Variants in PTPRM observed in about 807,000 individuals in gnomAD.
PTPRM encodes protein tyrosine phosphatase receptor type M, also known as receptor-type tyrosine-protein phosphatase mu.
A neutral mutation model predicts 186.7 loss-of-function variants in PTPRM; 47 were observed. The ratio of observed to expected loss-of-function variants is 0.25; its 90% CI spans 0.20 to 0.32. The LOEUF (loss-of-function observed/expected upper bound fraction) is 0.32, where lower values mean the gene tolerates loss of function less well. Among genes scored for constraint, PTPRM ranks in the 10% least tolerant of loss-of-function variants. The pLI is 1.00. For synonymous variants in PTPRM, 668 were observed against 674.9 expected (o/e 0.99, Z 0.16); for missense variants, 1,494 against 1,865.0 (o/e 0.80, Z 3.66).
In PTPRM at chr18:8,024,757, C is replaced by T. The variant is rs1010538564; in HGVS notation, c.1133-44929C>T. Among the ~76,000 whole-genome samples, 3 of 142,006 alleles carry T rather than the reference C, an allele frequency of 2.1e-5. No homozygotes were observed. In the South Asian group the frequency reaches 6.6e-4, roughly 31 times the overall value. 93.2% of individuals were successfully genotyped at this position (142,006 alleles called of 152,430 possible). ...GGAGTACAATGGCATGATCTTGGCT[C>T]GGTGCAGCCTTGACTTCTGAGACTT... is the stretch of plus-strand genomic sequence containing the variant. On this transcript the variant is annotated intron_variant, in intron 7 of 32. Coordinates refer to ENST00000580170, the MANE Select transcript of PTPRM (RefSeq NM_001105244.2).
intron 2 of PTPRM, among the ~76,000 whole-genome samples, chr18:7,865,798 G>A (rs147439477): frequency 9.7e-4 from 148 of 152,280 alleles, no homozygotes; most frequent in African/African-American, 3.5e-3. Context: ...ATTCGGCTGT[G>A]AATCCGTCTG....
chr18:8,400,300 G>C (rs1392336539), intron 32 of PTPRM, among the ~76,000 whole-genome samples: 1 of 152,220 alleles, frequency 6.6e-6, no homozygotes, highest in Non-Finnish European at 1.5e-5. Flanking sequence ...GGGCCTGGCT[G>C]CAGCAGCCGA....
Position 7,965,463 on chromosome 18 carries a change from C to T in PTPRM, c.1132+10049C>T, listed in dbSNP as rs112277835. The stretch of plus-strand genomic sequence containing the variant: ...TCTCTTTTGCTCATTTGCACACATA[C>T]CCCAGGAAGGTAGGTGAACCCTTAT... On this transcript the variant is annotated intron_variant, in intron 7 of 32. Coordinates refer to ENST00000580170, the MANE Select transcript of PTPRM (RefSeq NM_001105244.2). 3.6e-3 allele frequency among the ~76,000 whole-genome samples: 545 copies of T among 151,994 alleles called. 2 individuals are homozygous for T. Among genetic ancestry groups the T allele is most frequent in the African/African-American group, 0.012 (510 of 41,452 alleles).
At chr18:7,953,396 C>T (rs943228194) in intron 6 of PTPRM, among the ~76,000 whole-genome samples, 1 of 152,234 alleles carries the variant, frequency 6.6e-6, no homozygotes, top group East Asian at 1.9e-4. Flanking sequence ...TTTCATGTCT[C>T]GGTTCAAGGA....
chr18:7,929,037 GT>G (rs112740316), intron 5 of PTPRM, among the ~76,000 whole-genome samples: 2 of 151,636 alleles, frequency 1.3e-5, no homozygotes, highest in Non-Finnish European at 2.9e-5. Flanking sequence ...GTTTTGGTTT[GT>G]TTTTTTTCAC....
At chr18:7,821,198 C>T (rs544487249) in intron 2 of PTPRM, among the ~76,000 whole-genome samples, 2 of 152,112 alleles carry the variant, frequency 1.3e-5, no homozygotes, top group Admixed American at 6.6e-5. Flanking sequence ...CCATAATAGT[C>T]TACCATGGAC....
At chr18:8,237,814 G>C (rs541222507) in intron 14 of PTPRM, among the ~76,000 whole-genome samples, 13 of 152,212 alleles carry the variant, frequency 8.5e-5, no homozygotes, top group African/African-American at 3.1e-4. Context: ...AAATTCACAG[G>C]ACACAGAATT....
intron 1 of PTPRM, among the ~76,000 whole-genome samples, chr18:7,749,851 A>G (rs1007669132): frequency 1.3e-5 from 2 of 152,248 alleles, no homozygotes; most frequent in East Asian, 1.9e-4. Context: ...AAGTGGAGTT[A>G]TCTGCCTCCC....
At chr18:8,124,596 A>C (rs1373605114) in intron 13 of PTPRM, among the ~76,000 whole-genome samples, 2 of 152,174 alleles carry the variant, frequency 1.3e-5, no homozygotes, top group Non-Finnish European at 2.9e-5. Context: ...ATGAGTGAAA[A>C]ATTGGTATCA....
At chr18:7,955,640 T>C (rs980287800) in intron 7 of PTPRM, among the ~76,000 whole-genome samples, 14 of 152,188 alleles carry the variant, frequency 9.2e-5, no homozygotes, top group Non-Finnish European at 1.8e-4. Flanking sequence ...CTTTTTCCTA[T>C]TGTTAATTTA....
Position 7,932,632 on chromosome 18 carries a change from TA to T in PTPRM, c.663+5950del, listed in dbSNP as rs561545484. 2.6e-5 allele frequency among the ~76,000 whole-genome samples: 4 copies of T among 152,306 alleles called. No homozygotes were observed. In the South Asian group the frequency reaches 8.3e-4, roughly 32 times the overall value. On this transcript the variant is annotated intron_variant, in intron 5 of 32. Transcript: ENST00000580170. ...TCACTGAGTGATCTTGCATCTCAAA[TA>T]TTAGCCTTTTAACCTGATAGTCTCA... is the stretch of plus-strand genomic sequence containing the variant.
At chr18:8,157,157 C>T (rs1260337523) in intron 14 of PTPRM, among the ~76,000 whole-genome samples, 1 of 152,140 alleles carries the variant, frequency 6.6e-6, no homozygotes, top group Non-Finnish European at 1.5e-5. Context: ...TTAGACAAGC[C>T]ACCTAGCTCG....
chr18:7,765,979 G>A (rs1360927997), intron 1 of PTPRM, among the ~76,000 whole-genome samples: 3 of 152,216 alleles, frequency 2.0e-5, no homozygotes, highest in African/African-American at 4.8e-5. Context: ...TTCAAAATAT[G>A]TGTGTATCTT....
chr18:7,912,642 G>A (rs952411695), intron 4 of PTPRM, among the ~76,000 whole-genome samples: 8 of 151,408 alleles, frequency 5.3e-5, no homozygotes, highest in Non-Finnish European at 1.2e-4. Context: ...CTCTCGAGTA[G>A]TTGGGACTAC....
At position 8,115,880 on chromosome 18, in the gene PTPRM, A is replaced by G. The variant is rs1600656158; in HGVS notation, c.2167+1053A>G. 2.6e-5 allele frequency among the ~76,000 whole-genome samples: 4 copies of G among 152,280 alleles called. No homozygotes were observed. In the South Asian group the frequency reaches 8.3e-4, roughly 32 times the overall value. On this transcript the variant is annotated intron_variant, in intron 13 of 32. Transcript: ENST00000580170. ...TTTAGTCAGTGTTAGCTCAACAAAT[A>G]TTTCTTGGTTGCATGTTTTGTGCCA...
intron 14 of PTPRM, among the ~76,000 whole-genome samples, chr18:8,147,048 T>C (rs1446225595): frequency 6.6e-6 from 1 of 152,228 alleles, no homozygotes; most frequent in African/African-American, 2.4e-5. Flanking sequence ...TTTTGGTTAC[T>C]GTAGCCTTGT....
chr18:8,271,455 G>A (rs1170078431), intron 19 of PTPRM, among the ~76,000 whole-genome samples: 1 of 151,900 alleles, frequency 6.6e-6, no homozygotes, highest in Non-Finnish European at 1.5e-5. Flanking sequence ...TCATAGGCGA[G>A]TCTAATCTGT....
At chr18:7,859,482 G>A (rs771273267) in intron 2 of PTPRM, among the ~76,000 whole-genome samples, 1 of 152,202 alleles carries the variant, frequency 6.6e-6, no homozygotes, top group Non-Finnish European at 1.5e-5. Context: ...TTGTGATCAA[G>A]AACTGGCATT....
chr18:8,075,879 CTG>C (rs1422715841), intron 8 of PTPRM, among the ~76,000 whole-genome samples: 2 of 152,106 alleles, frequency 1.3e-5, no homozygotes, highest in African/African-American at 4.8e-5. Context: ...TGATATATAA[CTG>C]TTACTTACTT....
Sources: allele counts gnomAD v4.1 joint callset (sites outside exome capture counted in the v4.1 genomes callset), GRCh38; gene constraint gnomAD v4.1.1; transcripts MANE v1.5; gene names NCBI Gene and HGNC (gene_info 2026-07-23, HGNC 2026-07-21).